Variants in KDM5C observed in about 807,000 individuals in gnomAD.
The protein encoded by KDM5C is lysine demethylase 5C.
Under a neutral mutation model 110.6 loss-of-function variants are expected in KDM5C, and 16 were observed. The ratio of observed to expected loss-of-function variants is 0.14; its 90% CI spans 0.10 to 0.22. KDM5C has a LOEUF of 0.22. KDM5C is among the 10% of genes least tolerant of loss of function. The pLI is 1.00. For missense variants in KDM5C, 681 were observed against 1,300.9 expected, an observed-to-expected ratio of 0.52 and a Z score of 7.33; for synonymous variants, 511 against 520.4, an observed-to-expected ratio of 0.98 and a Z score of 0.24.
chrX:53,195,273 G>A lies in KDM5C; in HGVS notation c.3258C>T (p.Ser1086=), dbSNP rs1556835881. The change falls in exon 21 of 26, where the codon TCC becomes TCT. Residue 1086 remains serine (S), a synonymous_variant. Coordinates refer to ENST00000375401, the MANE Select transcript of KDM5C (RefSeq NM_004187.5). ...LTAHSWREKA[S]KTFLKKNSCY... is the part of the protein sequence containing the mutation. ...AAGAATTTTTCTTGAGGAAGGTCTT[G>A]GAGGCCTTCTCCCTCCAGGAGTGCG... 8.3e-7 allele frequency: 1 copy of A among 1,205,314 alleles called. No homozygotes were observed. The highest frequency in any genetic ancestry group is 1.1e-6 in the Non-Finnish European group (1 of 891,875).
intron 12 of KDM5C, among the ~76,000 whole-genome samples, chrX:53,204,853 C>T (rs2073274668): frequency 8.9e-6 from 1 of 111,829 alleles, no homozygotes; most frequent in Admixed American, 9.5e-5. Context: ...TCCATCTTTA[C>T]CCCTAGAATG....
chrX:53,180,714 C>A (rs1403104828), intron 25 of KDM5C, among the ~76,000 whole-genome samples: 1 of 95,398 alleles, frequency 1.0e-5, no homozygotes, highest in Non-Finnish European at 2.1e-5. Context: ...CACCACCACA[C>A]CCGGCTTTTT....
rs1173641591 is a variant in KDM5C at position 53,180,719 on chromosome X, C to CTTTTTTT, written c.4309-4104_4309-4098dup. ...CTGGGATTACCACCACCACACCCGG[C>CTTTTTTT]TTTTTTTTTTTTTTTTTTTTTTTTT... On this transcript the variant is annotated intron_variant, in intron 25 of 25. Transcript: ENST00000685641. Among the ~76,000 whole-genome samples, 3 of 30,299 alleles carry CTTTTTTT rather than the reference C, an allele frequency of 9.9e-5. 1 individual carries two copies. Among genetic ancestry groups the CTTTTTTT allele is most frequent in the Non-Finnish European group, 1.6e-4 (3 of 18,731 alleles). 26.3% of individuals were successfully genotyped at this position (30,299 alleles called of 115,157 possible). A position where few individuals can be genotyped will look rare whatever the true frequency, so the allele number is the denominator to read the frequency against.
In KDM5C at chrX:53,197,864, C is replaced by A. The variant is rs142191000; in HGVS notation, c.2529G>T (p.Val843=). 70 of 1,187,731 alleles carry A rather than the reference C, an allele frequency of 5.9e-5. No individual in the cohort carries two copies. The African/African-American group carries it at 1.1e-3, about 19-fold the overall frequency. The change falls in exon 18 of 26, where the codon GTG becomes GTT. Residue 843 remains valine, a synonymous_variant. Transcript: ENST00000375401. The part of the protein sequence containing the change: ...VSGQEAGPHR[V]AGLQMTLTEL... The stretch of plus-strand genomic sequence containing the variant: ...CAGTCAGGGTCATCTGTAGACCAGC[C>A]ACCCTGTGGGGGCTATGAAGTATCA...
At chrX:53,197,103 CACCA>C in intron 18 of KDM5C, 59 bp from the exon 19 acceptor site, 3 of 915,992 alleles carry the variant, frequency 3.3e-6, no homozygotes, top group Non-Finnish European at 4.6e-6. Context: ...GGGGTTCCAC[CACCA>C]GATGGAACCT....
chrX:53,196,194 C>A, intron 19 of KDM5C, 140 bp from the exon 20 acceptor site: 1 of 696,303 alleles, frequency 1.4e-6, no homozygotes, highest in Non-Finnish European at 2.2e-6. Flanking sequence ...TGCTTGTATT[C>A]CACCTAAGGG....
At chrX:53,215,174 T>C (rs1225786713) in intron 7 of KDM5C, 3 of 399,067 alleles carry the variant, frequency 7.5e-6, no homozygotes, top group African/African-American at 2.5e-5. Context: ...AAATTGCCAA[T>C]AGCGGTCCAT....
chrX:53,193,300 A>G lies in KDM5C; in HGVS notation c.4350T>C (p.Ala1450=). 2 of 1,209,794 alleles carry G rather than the reference A, an allele frequency of 1.7e-6. No homozygotes were observed. Among genetic ancestry groups the G allele is most frequent in the Non-Finnish European group, 2.2e-6 (2 of 895,099 alleles). The change falls in exon 26 of 26, where the codon GCT becomes GCC. Residue 1450 remains alanine (A), a synonymous_variant. Transcript: ENST00000375401. ...LEKAERHGSR[A]RGRALERRRR... is the part of the protein sequence containing the mutation. ...GCCGCCTCTCCAGGGCCCGGCCCCG[A>G]GCCCGACTCCCGTGACGCTCTGCCT... is the stretch of plus-strand genomic sequence containing the variant.
intron 25 of KDM5C, among the ~76,000 whole-genome samples, chrX:53,181,273 A>C (rs782615563): frequency 1.8e-5 from 2 of 111,009 alleles, no homozygotes; most frequent in South Asian, 7.6e-4. Context: ...AATTCATAGG[A>C]TCTCCAGGTC....
intron 1 of KDM5C, among the ~76,000 whole-genome samples, chrX:53,223,896 T>C (rs1457033571): frequency 9.0e-6 from 1 of 111,694 alleles, no homozygotes; most frequent in East Asian, 2.8e-4. Context: ...AACATCTCCA[T>C]AGGAAGTCAA....
At chrX:53,186,658 C>T (rs1556828240), downstream of KDM5C, among the ~76,000 whole-genome samples, 1 of 112,233 alleles carries the variant, frequency 8.9e-6, no homozygotes. Flanking sequence ...TCTATTCCAG[C>T]TTGGTTTATA....
Position 53,194,594 on chromosome X carries a change from C to T in KDM5C, c.3583G>A (p.Ala1195Thr), listed in dbSNP as rs2146822786. The T allele has an allele frequency of 1.7e-6, 2 of 1,212,078 alleles. No homozygotes were observed. Among genetic ancestry groups the T allele is most frequent in the Non-Finnish European group, 2.2e-6 (2 of 895,483 alleles). The change falls in exon 23 of 26, where the codon GCT becomes ACT. Residue 1195 changes from alanine (A) to threonine (T), a missense_variant. Around this residue, in one of 14 missense-constraint regions of KDM5C, gnomAD observed 48 missense variants for 59.7 expected, o/e 0.80. Transcript: ENST00000375401. ...TSICVCGQVLAGAGALQCDLC... is the reference protein window; with the variant it reads ...TSICVCGQVLTGAGALQCDLC... Reference sequence around the variant, plus strand: ...TCACACTGCAGAGCTCCCGCCCCAGCCAGCACCTGCCCACACACACAGATA... The same window carrying T: ...TCACACTGCAGAGCTCCCGCCCCAGTCAGCACCTGCCCACACACACAGATA...
Position 53,199,173 on chromosome X carries a change from C to T in KDM5C, c.2062-15G>A. Reference sequence around the variant, plus strand: ...TCTGTGATACCCTAAGGGCATTTAACCTATGCGTTATATATAACCAGAACC... The same window carrying T: ...TCTGTGATACCCTAAGGGCATTTAATCTATGCGTTATATATAACCAGAACC... On this transcript the variant is annotated splice_polypyrimidine_tract_variant and intron_variant, in intron 14 of 25. Coordinates refer to ENST00000375401, the MANE Select transcript of KDM5C (RefSeq NM_004187.5). 1 of 1,208,588 alleles carries T rather than the reference C, an allele frequency of 8.3e-7. No individual in the cohort carries two copies. Among genetic ancestry groups the T allele is most frequent in the Non-Finnish European group, 1.1e-6 (1 of 892,709 alleles).
At chrX:53,198,335 A>C (rs2073029151) in intron 17 of KDM5C, among the ~76,000 whole-genome samples, 155 bp downstream of exon 17, 1 of 111,552 alleles carries the variant, frequency 9.0e-6, no homozygotes, top group South Asian at 3.7e-4. Context: ...GTCCCCCCCA[A>C]CACCTTCCAG....
Position 53,215,572 on chromosome X carries a change from C to G in KDM5C, c.963+223G>C, listed in dbSNP as rs186549819. 2.7e-3 allele frequency: 1,240 copies of G among 452,099 alleles called. 14 individuals are homozygous for G. Among genetic ancestry groups the G allele is most frequent in the Non-Finnish European group, 5.2e-4 (134 of 258,391 alleles). The allele number at this position is 452,099 out of a possible 1,213,427, so 37.3% of individuals were successfully genotyped here. ...AGCAATGGAGAGTGAGACTCCTTCT[C>G]TGGACCCTTCCAGCACTTCATGTTG... On this transcript the variant is annotated intron_variant, in intron 7 of 25. Transcript: ENST00000375401.
At chrX:53,213,197 AAAAT>A (rs1291508915) in intron 8 of KDM5C, among the ~76,000 whole-genome samples, 2 of 111,571 alleles carry the variant, frequency 1.8e-5, no homozygotes, top group Admixed American at 9.5e-5. Context: ...TTATGTTTGA[AAAAT>A]AAATGTCCGT....
intron 12 of KDM5C, among the ~76,000 whole-genome samples, chrX:53,206,549 T>TA (rs1203091243): frequency 9.0e-6 from 1 of 111,148 alleles, no homozygotes; most frequent in Non-Finnish European, 1.9e-5. Context: ...CCAAGAGAAA[T>TA]ATGCTAGGTA....
At chrX:53,186,510 C>T (rs185531980), downstream of KDM5C, among the ~76,000 whole-genome samples, 1 of 112,205 alleles carries the variant, frequency 8.9e-6, no homozygotes, top group Non-Finnish European at 1.9e-5. Context: ...TAGAGTTATA[C>T]AAGCAGGCCT....
intron 25 of KDM5C, among the ~76,000 whole-genome samples, chrX:53,182,114 C>T (rs1446097819): frequency 1.4e-4 from 14 of 100,697 alleles, no homozygotes; most frequent in East Asian, 9.4e-4. Flanking sequence ...TATGGATTTT[C>T]GCTCTTGTTG....
Sources: allele counts gnomAD v4.1 joint callset (sites outside exome capture counted in the v4.1 genomes callset), GRCh38; gene constraint gnomAD v4.1.1; regional missense constraint gnomAD v4.1.1; transcripts MANE v1.5; gene names NCBI Gene and HGNC (gene_info 2026-07-23, HGNC 2026-07-21).